The following PHACTR1 variants were observed in gnomAD, a reference collection of about 807,000 sequenced individuals.
The protein encoded by PHACTR1 is phosphatase and actin regulator 1.
A neutral mutation model predicts 69.2 loss-of-function variants in PHACTR1; 16 were observed. The ratio of observed to expected loss-of-function variants is 0.23; its 90% confidence interval spans 0.16 to 0.35. The LOEUF (loss-of-function observed/expected upper bound fraction) is 0.35. Ranked by LOEUF, PHACTR1 falls within the 10% of genes least tolerant of loss-of-function variation. The probability of loss-of-function intolerance (pLI) is 1.00; values close to 1 mark genes in which losing one functional copy is unlikely to be tolerated. For missense variants in PHACTR1, 510 were observed against 734.7 expected, an observed-to-expected ratio of 0.69 and a Z score of 3.54; for synonymous variants, 312 against 284.5, an observed-to-expected ratio of 1.10 and a Z score of -0.97.
chr6:12,789,537 A>G (rs1771964955), intron 4 of PHACTR1, among the ~76,000 whole-genome samples: 2 of 152,094 alleles, frequency 1.3e-5, no homozygotes, highest in Non-Finnish European at 2.9e-5. Context: ...TTCTGAGCCC[A>G]TAACACTCTT....
At chr6:12,798,001 G>A (rs1344485209) in intron 4 of PHACTR1, among the ~76,000 whole-genome samples, 1 of 144,784 alleles carries the variant, frequency 6.9e-6, no homozygotes, top group African/African-American at 2.6e-5. Context: ...TATTTCCATG[G>A]TTATTTTCTT....
intron 4 of PHACTR1, among the ~76,000 whole-genome samples, chr6:12,929,494 A>G (rs1788639484): frequency 6.6e-6 from 1 of 152,200 alleles, no homozygotes; most frequent in Non-Finnish European, 1.5e-5. Flanking sequence ...TAAGCTCTCA[A>G]ATGTTATCCT....
At chr6:12,919,697 A>C (rs1301120349) in intron 4 of PHACTR1, among the ~76,000 whole-genome samples, 1 of 152,236 alleles carries the variant, frequency 6.6e-6, no homozygotes, top group South Asian at 2.1e-4. Context: ...ATCTAATTCC[A>C]AAGTCAAGTT....
intron 4 of PHACTR1, among the ~76,000 whole-genome samples, chr6:12,910,645 T>C (rs1282434567): frequency 6.6e-6 from 1 of 152,218 alleles, no homozygotes; most frequent in Admixed American, 6.5e-5. Context: ...TACATATTAT[T>C]ATTGACAGAA....
At chr6:13,071,042 G>A (rs1809440117) in intron 5 of PHACTR1, among the ~76,000 whole-genome samples, 1 of 151,928 alleles carries the variant, frequency 6.6e-6, no homozygotes, top group Admixed American at 6.6e-5. Flanking sequence ...ATGTTTAAAG[G>A]TCTTTCTTCT....
chr6:12,947,834 C>G (rs895975466), intron 4 of PHACTR1, among the ~76,000 whole-genome samples: 1 of 152,338 alleles, frequency 6.6e-6, no homozygotes, highest in African/African-American at 2.4e-5. Flanking sequence ...TTATTTTCCA[C>G]CAGTCTGAAA....
chr6:12,888,103 G>A (rs1783822856), intron 4 of PHACTR1, among the ~76,000 whole-genome samples: 1 of 150,066 alleles, frequency 6.7e-6, no homozygotes, highest in African/African-American at 2.4e-5. Flanking sequence ...AAATGGCTGG[G>A]TGAGGTCTTT....
chr6:12,758,074 T>C (rs1767564292), intron 4 of PHACTR1, among the ~76,000 whole-genome samples: 1 of 151,568 alleles, frequency 6.6e-6, no homozygotes, highest in Non-Finnish European at 1.5e-5. Flanking sequence ...GTCAAGCCAC[T>C]GCACTCCAGC....
chr6:12,845,574 AGATT>A (rs1779181337), intron 4 of PHACTR1, among the ~76,000 whole-genome samples: 1 of 151,818 alleles, frequency 6.6e-6, no homozygotes, highest in Admixed American at 6.6e-5. Flanking sequence ...TAATGTGCTG[AGATT>A]ATTATCATAT....
chr6:13,284,752 C>T, intron 13 of PHACTR1, among the ~76,000 whole-genome samples: 1 of 151,748 alleles, frequency 6.6e-6, no homozygotes. Flanking sequence ...CCCAGGCTGG[C>T]TACATTATCA....
intron 4 of PHACTR1, among the ~76,000 whole-genome samples, chr6:12,842,850 G>T (rs1356691360): frequency 1.3e-5 from 2 of 152,018 alleles, no homozygotes; most frequent in African/African-American, 2.4e-5. Context: ...CGGCCTAAAG[G>T]TGTTTTTTTC....
intron 6 of PHACTR1, among the ~76,000 whole-genome samples, chr6:13,181,625 T>C (rs1762186558): frequency 6.6e-6 from 1 of 152,222 alleles, no homozygotes; most frequent in Admixed American, 6.5e-5. Context: ...AACATCAAAG[T>C]CTGCACTACG....
intron 5 of PHACTR1, among the ~76,000 whole-genome samples, chr6:13,143,489 C>CT (rs1822826170): frequency 6.6e-6 from 1 of 152,140 alleles, no homozygotes; most frequent in African/African-American, 2.4e-5. Context: ...CAGATATCTC[C>CT]TGGGGATCTT....
At chr6:12,749,157 T>A (rs1455340974) in intron 3 of PHACTR1, among the ~76,000 whole-genome samples, 1 of 152,170 alleles carries the variant, frequency 6.6e-6, no homozygotes, top group Non-Finnish European at 1.5e-5. Flanking sequence ...AGCCTGTGGG[T>A]GAAGGAGACC....
intron 4 of PHACTR1, among the ~76,000 whole-genome samples, chr6:13,016,353 C>T (rs943959463): frequency 1.3e-5 from 2 of 152,212 alleles, no homozygotes; most frequent in Admixed American, 6.5e-5. Context: ...CATTCATCAC[C>T]GAAGAGGCCA....
At chr6:13,210,918 T>C (rs993891458) in intron 8 of PHACTR1, among the ~76,000 whole-genome samples, 5 of 141,192 alleles carry the variant, frequency 3.5e-5, no homozygotes, top group African/African-American at 5.8e-5. Flanking sequence ...TTTCTTTTTT[T>C]TTTTTTTTTT....
chr6:12,958,294 C>T (rs1792160271), intron 4 of PHACTR1, among the ~76,000 whole-genome samples: 1 of 152,202 alleles, frequency 6.6e-6, no homozygotes, highest in Non-Finnish European at 1.5e-5. Flanking sequence ...ACTTGCAAAT[C>T]TCACTGCAAT....
intron 4 of PHACTR1, among the ~76,000 whole-genome samples, chr6:13,050,372 C>T (rs1388158183): frequency 1.3e-5 from 2 of 152,170 alleles, no homozygotes; most frequent in African/African-American, 4.8e-5. Flanking sequence ...TATTTTACCA[C>T]TGCTGCGAAA....
chr6:13,252,930 G>T (rs1490169927), intron 10 of PHACTR1: 3 of 356,090 alleles, frequency 8.4e-6, no homozygotes, highest in Non-Finnish European at 6.2e-6. Flanking sequence ...ATTCCTTGGG[G>T]TTTTTGTGTT....
Sources: gnomAD v4.1 joint callset for allele counts (sites outside exome capture counted in the v4.1 genomes callset) on GRCh38, gnomAD v4.1.1 for gene constraint, MANE v1.5 for transcripts, NCBI Gene and HGNC (gene_info 2026-07-23, HGNC 2026-07-21) for gene names.